Variants in DNAJB6 observed in about 807,000 individuals in gnomAD.
DNAJB6 encodes DnaJ heat shock protein family (Hsp40) member B6, also known as dnaJ homolog subfamily B member 6.
A neutral mutation model predicts 42.7 loss-of-function variants in DNAJB6; 16 were observed. That is an observed-to-expected ratio of 0.37 (90% confidence interval 0.25 to 0.57). The LOEUF (loss-of-function observed/expected upper bound fraction) is 0.57. Among genes scored for constraint, DNAJB6 ranks in the 20% least tolerant of loss-of-function variants. The pLI is 0.74. For synonymous variants in DNAJB6, 170 were observed against 163.5 expected (o/e 1.04, Z -0.30); for missense variants, 347 against 416.8 (o/e 0.83, Z 1.46).
chr7:157,387,372 G>C (rs1801120772), intron 8 of DNAJB6, among the ~76,000 whole-genome samples: 1 of 152,158 alleles, frequency 6.6e-6, no homozygotes, highest in African/African-American at 2.4e-5. Flanking sequence ...GGGAAAGCGG[G>C]ACAGCGCCCT....
At chr7:157,400,535 T>C (rs1163807775) in intron 8 of DNAJB6, among the ~76,000 whole-genome samples, 1 of 152,230 alleles carries the variant, frequency 6.6e-6, no homozygotes. Context: ...GAGCTTCTAA[T>C]GAGAAGGGGC....
rs1799257825 is a variant in DNAJB6, at chr7:157,356,026, A to G, written c.-26-2521A>G. Among the ~76,000 whole-genome samples the G allele has an allele frequency of 2.6e-5, 4 of 152,220 alleles. No homozygotes were observed. The South Asian group carries it at 8.3e-4, about 31-fold the overall frequency. ...AACACAGGCACACAAGTGCAGATAGAAGATGAGCTGTTTGGACTTGCGAGG... is the reference window on the plus strand; with the variant it reads ...AACACAGGCACACAAGTGCAGATAGGAGATGAGCTGTTTGGACTTGCGAGG... On this transcript the variant is annotated intron_variant, in intron 1 of 9. Coordinates refer to ENST00000262177, the MANE Select transcript of DNAJB6 (RefSeq NM_058246.4).
At chr7:157,372,342 CCTTCAGCGAGGAGCTGGGG>C (rs1168585179) in intron 5 of DNAJB6, 1 of 152,962 alleles carries the variant, frequency 6.5e-6, no homozygotes, top group Non-Finnish European at 1.5e-5. Context: ...CTGGGCGAGC[CCTTCAGCGAGGAGCTGGGG>C]CTCATATCCA....
chr7:157,392,509 T>C (rs1409376067), intron 8 of DNAJB6, among the ~76,000 whole-genome samples: 1 of 152,170 alleles, frequency 6.6e-6, no homozygotes, highest in Admixed American at 6.5e-5. Flanking sequence ...TTTACTTTTA[T>C]TTATTTGGAA....
intron 8 of DNAJB6, among the ~76,000 whole-genome samples, chr7:157,391,202 G>T (rs1801324309): frequency 6.6e-6 from 1 of 152,208 alleles, no homozygotes; most frequent in Non-Finnish European, 1.5e-5. Context: ...GAAGCTCGGG[G>T]TGTGGTCATC....
rs144916320 is a variant in DNAJB6 at position 157,357,334 on chromosome 7, G to A, written c.-26-1213G>A. Among the ~76,000 whole-genome samples, 165 of 133,456 alleles carry A rather than the reference G, an allele frequency of 1.2e-3. 18 individuals are homozygous for A. Among genetic ancestry groups the A allele is most frequent in the African/African-American group, 4.4e-3 (157 of 35,462 alleles). The allele number at this position is 133,456 out of a possible 152,430, so 87.6% of individuals were successfully genotyped here. ...TCCTTCCTTCCTTCCTCGTTCCGTC[G>A]CCCGGGCTGGAGTCCGGTGGCATGG... is the stretch of plus-strand genomic sequence containing the variant. On this transcript the variant is annotated intron_variant, in intron 1 of 9. Coordinates refer to ENST00000262177, the MANE Select transcript of DNAJB6 (RefSeq NM_058246.4).
intron 1 of DNAJB6, among the ~76,000 whole-genome samples, chr7:157,348,261 T>A (rs1482083142): frequency 6.6e-6 from 1 of 151,522 alleles, no homozygotes; most frequent in African/African-American, 2.4e-5. Context: ...CCCAGCTAAT[T>A]TTTTGTATTT....
At chr7:157,348,295 T>C (rs1409195848) in intron 1 of DNAJB6, among the ~76,000 whole-genome samples, 1 of 152,136 alleles carries the variant, frequency 6.6e-6, no homozygotes, top group Non-Finnish European at 1.5e-5. Context: ...GGTTTCGCCA[T>C]GTTGGCCAGG....
chr7:157,354,029 A>C (rs1799146999), intron 1 of DNAJB6, among the ~76,000 whole-genome samples: 1 of 151,974 alleles, frequency 6.6e-6, no homozygotes, highest in African/African-American at 2.4e-5. Flanking sequence ...CAGTATAGTA[A>C]ATTTTTATTT....
rs187049745 is a variant in DNAJB6, at chr7:157,378,874, A to T, written c.347-3372A>T. 1.2e-4 allele frequency: 19 copies of T among 152,320 alleles called. No homozygotes were observed. The Middle Eastern group carries it at 0.01, about 82-fold the overall frequency. 9.4% of individuals were successfully genotyped at this position (152,320 alleles called of 1,614,324 possible). On this transcript the variant is annotated intron_variant, in intron 5 of 9. Transcript: ENST00000262177. ...TGTCTGATCTCAAGTGGCAACTTTTAACTGGTCTTTAAATATTATAAATTT... is the reference window on the plus strand; with the variant it reads ...TGTCTGATCTCAAGTGGCAACTTTTTACTGGTCTTTAAATATTATAAATTT...
At chr7:157,404,792 C>T (rs1159902015) in intron 8 of DNAJB6, among the ~76,000 whole-genome samples, 9 of 152,084 alleles carry the variant, frequency 5.9e-5, no homozygotes. Flanking sequence ...AGGCGTGAGC[C>T]ACCGTGCCTG....
chr7:157,387,488 A>T (rs1446015800), intron 8 of DNAJB6, among the ~76,000 whole-genome samples: 4 of 152,362 alleles, frequency 2.6e-5, no homozygotes, highest in South Asian at 4.1e-4. Flanking sequence ...AAATTCAAGT[A>T]GATACTTGGA....
At chr7:157,403,364 C>G (rs949536865) in intron 8 of DNAJB6, among the ~76,000 whole-genome samples, 21 of 152,204 alleles carry the variant, frequency 1.4e-4, no homozygotes, top group Admixed American at 1.3e-4. Context: ...AAGCTGTCCA[C>G]TGACATTGCC....
chr7:157,400,647 C>T (rs1801818371), intron 8 of DNAJB6, among the ~76,000 whole-genome samples: 5 of 152,224 alleles, frequency 3.3e-5, no homozygotes, highest in South Asian at 2.1e-4. Flanking sequence ...CCAGGCTCAC[C>T]GCCGGGGCTC....
At position 157,383,094 on chromosome 7, in the gene DNAJB6, C is replaced by T. The variant is rs547262813; in HGVS notation, c.478+717C>T. ...GGTCTCAGCTCACTGCAGCCTCCCG[C>T]CTCCTGGGTTGAAGTGATTCTTGTG... On this transcript the variant is annotated intron_variant, in intron 6 of 9. Coordinates refer to ENST00000262177, the MANE Select transcript of DNAJB6 (RefSeq NM_058246.4). Among the ~76,000 whole-genome samples the T allele has an allele frequency of 2.0e-5, 3 of 152,306 alleles. No homozygotes were observed. The East Asian group carries it at 5.8e-4, about 29-fold the overall frequency.
In DNAJB6 at chr7:157,416,667, C is replaced by T. The variant is rs1796112538; in HGVS notation, c.*569C>T. 6.6e-6 allele frequency: 1 copy of T among 152,272 alleles called. No individual in the cohort carries two copies. The highest frequency in any genetic ancestry group is 2.4e-5 in the African/African-American group (1 of 41,460). 9.4% of individuals were successfully genotyped at this position (152,272 alleles called of 1,614,324 possible). ...TGTAAAATCATTCCTTCTGTTTACT[C>T]TTTTAATTTTCATCCTTTGCAGGTA... is the stretch of plus-strand genomic sequence containing the variant. On this transcript the variant is annotated 3_prime_UTR_variant, in exon 10 of 10. Coordinates refer to ENST00000262177, the MANE Select transcript of DNAJB6 (RefSeq NM_058246.4).
Position 157,409,970 on chromosome 7 carries a change from C to A in DNAJB6, c.867C>A (p.Pro289=). ...EEGEQDRPRA[P]GPWDPLASAA... is the part of the protein sequence containing the mutation. The stretch of plus-strand genomic sequence containing the variant: ...GCGAGCAGGACCGACCTCGGGCACC[C>A]GGGCCCTGGGACCCCCTCGCGTCCG... The change falls in exon 9 of 10, where the codon CCC becomes CCA. Residue 289 remains proline (P), a synonymous_variant. Coordinates refer to ENST00000262177, the MANE Select transcript of DNAJB6 (RefSeq NM_058246.4). 1 of 1,535,080 alleles carries A rather than the reference C, an allele frequency of 6.5e-7. No homozygotes were observed. The highest frequency in any genetic ancestry group is 2.4e-5 in the East Asian group (1 of 40,870).
chr7:157,374,169 C>T (rs938959938), intron 5 of DNAJB6, among the ~76,000 whole-genome samples: 13 of 152,230 alleles, frequency 8.5e-5, no homozygotes, highest in Admixed American at 6.5e-4. Flanking sequence ...TTCCTCTCAT[C>T]TGGTGAGAGT....
intron 1 of DNAJB6, among the ~76,000 whole-genome samples, chr7:157,356,247 A>G (rs116233947): frequency 0.012 from 1,867 of 152,362 alleles, 36 homozygotes; most frequent in African/African-American, 0.043. Flanking sequence ...ATGCCACCTC[A>G]GATCGTTGGC....
Sources: allele counts gnomAD v4.1 joint callset (sites outside exome capture counted in the v4.1 genomes callset), GRCh38; gene constraint gnomAD v4.1.1; transcripts MANE v1.5; gene names NCBI Gene and HGNC (gene_info 2026-07-23, HGNC 2026-07-21).